The following CDH12 variants were observed in gnomAD, a reference collection of about 807,000 sequenced individuals.
CDH12 encodes cadherin 12.
Under a neutral mutation model 74.1 loss-of-function variants are expected in CDH12, and 41 were observed. The ratio of observed to expected loss-of-function variants is 0.55; its 90% CI spans 0.43 to 0.72. The LOEUF (loss-of-function observed/expected upper bound fraction) is 0.72. Ranked by LOEUF, CDH12 falls within the 30% of genes least tolerant of loss-of-function variation. The pLI is 0.00. For synonymous variants in CDH12, 399 were observed against 355.0 expected, an observed-to-expected ratio of 1.12 and a Z score of -1.39; for missense variants, 945 against 977.2, an observed-to-expected ratio of 0.97 and a Z score of 0.44.
At chr5:22,408,138 C>A (rs1361024862) in intron 2 of CDH12, among the ~76,000 whole-genome samples, 2 of 151,942 alleles carry the variant, frequency 1.3e-5, no homozygotes, top group Non-Finnish European at 2.9e-5. Flanking sequence ...CTATCTTTAA[C>A]AATGAAGCAC....
intron 4 of CDH12, among the ~76,000 whole-genome samples, chr5:22,086,535 T>C (rs973744597): frequency 1.3e-5 from 2 of 151,970 alleles, no homozygotes; most frequent in African/African-American, 4.8e-5. Context: ...GTTTGTTTGT[T>C]TGTTTGTTTT....
chr5:22,556,586 T>G (rs750696972), intron 1 of CDH12, among the ~76,000 whole-genome samples: 1 of 152,100 alleles, frequency 6.6e-6, no homozygotes, highest in Non-Finnish European at 1.5e-5. Flanking sequence ...TAGCACTTTT[T>G]AAAATATTGT....
At chr5:21,985,096 C>G (rs1336827863) in intron 5 of CDH12, among the ~76,000 whole-genome samples, 1 of 152,146 alleles carries the variant, frequency 6.6e-6, no homozygotes, top group Non-Finnish European at 1.5e-5. Context: ...CCATAAGTTT[C>G]AAGCATTGCA....
chr5:22,740,993 CTCTAT>C (rs1375301316), intron 1 of CDH12, among the ~76,000 whole-genome samples: 1 of 152,076 alleles, frequency 6.6e-6, no homozygotes, highest in Non-Finnish European at 1.5e-5. Flanking sequence ...CAAGTGCCTT[CTCTAT>C]TCTAATTTGA....
chr5:22,725,693 C>T (rs1437562526), intron 1 of CDH12, among the ~76,000 whole-genome samples: 3 of 151,548 alleles, frequency 2.0e-5, no homozygotes, highest in South Asian at 4.1e-4. Flanking sequence ...TACTGCCACA[C>T]TGTGGATTAG....
rs58402882 is a variant in CDH12, at chr5:22,732,471, T to TACACACAC, written c.-523+120579_-523+120586dup. The stretch of plus-strand genomic sequence containing the variant: ...GAATGTGTGTGTATATATATATATA[T>TACACACAC]ACACACACACACACACACACACACA... On this transcript the variant is annotated intron_variant, in intron 1 of 14. Transcript: ENST00000382254. 2.2e-4 allele frequency among the ~76,000 whole-genome samples: 16 copies of TACACACAC among 72,698 alleles called. No individual in the cohort carries two copies. The East Asian group carries it at 3.8e-3, about 17-fold the overall frequency. 47.7% of individuals were successfully genotyped at this position (72,698 alleles called of 152,430 possible).
At chr5:22,378,680 A>G (rs373627726) in intron 3 of CDH12, among the ~76,000 whole-genome samples, 8 of 152,108 alleles carry the variant, frequency 5.3e-5, no homozygotes, top group African/African-American at 1.9e-4. Context: ...GTGTCTCTTT[A>G]TATGAGCCAA....
chr5:22,734,731 A>T (rs1163021620), intron 1 of CDH12, among the ~76,000 whole-genome samples: 2 of 151,912 alleles, frequency 1.3e-5, no homozygotes, highest in Non-Finnish European at 2.9e-5. Context: ...ACACCCATGC[A>T]CCGGTCTTGA....
intron 1 of CDH12, among the ~76,000 whole-genome samples, chr5:22,757,093 G>A (rs897929316): frequency 2.0e-5 from 3 of 152,172 alleles, no homozygotes; most frequent in African/African-American, 7.2e-5. Flanking sequence ...ACAAGTTCAG[G>A]ATCCTGTTTA....
At chr5:22,300,970 A>G (rs1737856575) in intron 3 of CDH12, among the ~76,000 whole-genome samples, 1 of 151,884 alleles carries the variant, frequency 6.6e-6, no homozygotes, top group African/African-American at 2.4e-5. Context: ...AAATGGATTA[A>G]TATTTTGCAT....
intron 6 of CDH12, among the ~76,000 whole-genome samples, chr5:21,887,597 T>C (rs145557092): frequency 6.6e-6 from 1 of 152,150 alleles, no homozygotes; most frequent in Non-Finnish European, 1.5e-5. Flanking sequence ...TCAGCTATCA[T>C]TTTGCACTTA....
Position 21,804,663 on chromosome 5 carries a change from C to G in CDH12, c.1003-2243G>C, listed in dbSNP as rs1229813731. Among the ~76,000 whole-genome samples the G allele has an allele frequency of 2.7e-5, 4 of 150,328 alleles. 1 individual carries two copies. The East Asian group carries it at 7.9e-4, about 30-fold the overall frequency. On this transcript the variant is annotated intron_variant, in intron 9 of 14. Transcript: ENST00000382254. Reference sequence around the variant, plus strand: ...ATTAAAACACACACACACACACACACACACACACACACACACACACACACA... The same window carrying G: ...ATTAAAACACACACACACACACACAGACACACACACACACACACACACACA...
chr5:22,270,352 T>G (rs150168953), intron 3 of CDH12, among the ~76,000 whole-genome samples: 3,850 of 152,174 alleles, frequency 0.025, 71 homozygotes, highest in African/African-American at 0.052. Flanking sequence ...TTCCAGCCCT[T>G]TGGGAGGCTG....
At chr5:22,383,676 C>T (rs1741865311) in intron 3 of CDH12, among the ~76,000 whole-genome samples, 1 of 152,098 alleles carries the variant, frequency 6.6e-6, no homozygotes, top group Non-Finnish European at 1.5e-5. Flanking sequence ...AAATAATCTC[C>T]CAATTCATGT....
At chr5:22,566,347 C>G (rs559240045) in intron 1 of CDH12, among the ~76,000 whole-genome samples, 25 of 151,812 alleles carry the variant, frequency 1.6e-4, no homozygotes, top group South Asian at 6.2e-4. Flanking sequence ...AAGTGATTCT[C>G]CTGCTTCAGC....
At chr5:22,255,789 TA>T (rs199968721) in intron 3 of CDH12, among the ~76,000 whole-genome samples, 1 of 151,744 alleles carries the variant, frequency 6.6e-6, no homozygotes, top group South Asian at 2.1e-4. Flanking sequence ...TTAAGTTTTT[TA>T]AAAAAATGAT....
chr5:22,169,368 C>G (rs1302147572), intron 4 of CDH12, among the ~76,000 whole-genome samples: 1 of 152,018 alleles, frequency 6.6e-6, no homozygotes, highest in Non-Finnish European at 1.5e-5. Flanking sequence ...AGTTGAGAAA[C>G]CTTCTATGCA....
At chr5:22,168,073 G>A (rs1162291916) in intron 4 of CDH12, among the ~76,000 whole-genome samples, 1 of 152,122 alleles carries the variant, frequency 6.6e-6, no homozygotes, top group Non-Finnish European at 1.5e-5. Context: ...AGGATTGTCA[G>A]AGAAAGGTGG....
chr5:22,359,656 C>T (rs1740714408), intron 3 of CDH12, among the ~76,000 whole-genome samples: 1 of 152,144 alleles, frequency 6.6e-6, no homozygotes, highest in Non-Finnish European at 1.5e-5. Flanking sequence ...TGCACTTATT[C>T]CAAAATTGAC....
Sources: gnomAD v4.1 joint callset for allele counts (sites outside exome capture counted in the v4.1 genomes callset) on GRCh38, gnomAD v4.1.1 for gene constraint, MANE v1.5 for transcripts, NCBI Gene and HGNC (gene_info 2026-07-23, HGNC 2026-07-21) for gene names.